The following IFT27 variants were observed in gnomAD, a reference collection of about 807,000 sequenced individuals.
The protein encoded by IFT27 is intraflagellar transport 27.
IFT27 carries 19 observed loss-of-function variants against 23.9 expected under a neutral mutation model. The ratio of observed to expected loss-of-function variants is 0.79; its 90% CI spans 0.55 to 1.16. IFT27 has a LOEUF of 1.16. IFT27 is among the 50% of genes most tolerant of loss of function. The pLI is 0.00. For missense variants in IFT27, 206 were observed against 228.7 expected (o/e 0.90, Z 0.64); for synonymous variants, 91 against 89.1 (o/e 1.02, Z -0.12).
In IFT27 at chr22:36,768,771, T is replaced by C. The variant is rs1383757703; in HGVS notation, c.35-909A>G. Reference sequence around the variant, plus strand: ...CATGGCTCTGCTGAGCCTCCTTTGATGCTGATTGTTTCCATTTGCAGCCTC... The same window carrying C: ...CATGGCTCTGCTGAGCCTCCTTTGACGCTGATTGTTTCCATTTGCAGCCTC... On this transcript the variant is annotated intron_variant, in intron 1 of 6. Transcript: ENST00000433985. Among the ~76,000 whole-genome samples, 2 of 152,224 alleles carry C rather than the reference T, an allele frequency of 1.3e-5. 1 individual carries two copies. The highest frequency in any genetic ancestry group is 1.3e-4 in the Admixed American group (2 of 15,288).
chr22:36,759,643 A>G (rs1051039626), intron 6 of IFT27: 2 of 152,272 alleles, frequency 1.3e-5, no homozygotes, highest in Non-Finnish European at 1.5e-5. Context: ...TGAATGCACT[A>G]AGAACCTGTT....
chr22:36,767,839 C>T lies in IFT27; in HGVS notation c.58G>A (p.Ala20Thr), dbSNP rs775878094. Residue 20 changes from alanine (A) to threonine (T), a missense_variant, in exon 2 of 7, where the codon GCC becomes ACC. Ala to Thr is a moderately conservative substitution (Grantham distance 58, BLOSUM62 0). Coordinates refer to ENST00000433985, the MANE Select transcript of IFT27 (RefSeq NM_001177701.3). ...LAGDPAVGKT[A>T]LAQIFRSDGA... ...TCACTGCGGAAGATCTGTGCCAGGG[C>T]GGTCTTGCCCACTGCTGGGTCTCCT... is the stretch of plus-strand genomic sequence containing the variant. 2.7e-5 allele frequency: 43 copies of T among 1,614,048 alleles called. No homozygotes were observed. Among genetic ancestry groups the T allele is most frequent in the Admixed American group, 6.7e-5 (4 of 60,006 alleles).
chr22:36,775,605 C>T, intron 1 of IFT27, 69 bp downstream of exon 1: 1 of 1,550,362 alleles, frequency 6.5e-7, no homozygotes, highest in South Asian at 1.1e-5. Flanking sequence ...TGAACAAAAG[C>T]TCTGGATGAA....
intron 3 of IFT27, 73 bp downstream of exon 3, chr22:36,767,233 G>C: frequency 8.4e-7 from 1 of 1,187,806 alleles, no homozygotes; most frequent in Non-Finnish European, 1.3e-6. Context: ...TCCTAGGGAG[G>C]ATGGTGTGAC....
At chr22:36,768,001 C>G (rs534319663) in intron 1 of IFT27, 139 bp from the exon 2 acceptor site, 106 of 804,386 alleles carry the variant, frequency 1.3e-4, no homozygotes, top group South Asian at 1.3e-3. Flanking sequence ...GGAACTTGTT[C>G]TGAGGCCGCG....
intron 1 of IFT27, among the ~76,000 whole-genome samples, chr22:36,771,014 C>T (rs548994443): frequency 6.6e-6 from 1 of 152,188 alleles, no homozygotes; most frequent in Non-Finnish European, 1.5e-5. Flanking sequence ...CAATGGCCTG[C>T]ACCCCAGCAG....
At chr22:36,770,082 T>C (rs1016600481) in intron 1 of IFT27, among the ~76,000 whole-genome samples, 4 of 151,960 alleles carry the variant, frequency 2.6e-5, no homozygotes, top group Non-Finnish European at 5.9e-5. Flanking sequence ...AAGAAATGAA[T>C]GAGAGGATTC....
At chr22:36,764,781 C>T (rs1938201978) in intron 4 of IFT27, among the ~76,000 whole-genome samples, 1 of 152,236 alleles carries the variant, frequency 6.6e-6, no homozygotes, top group Non-Finnish European at 1.5e-5. Context: ...TCAGGGGCTG[C>T]TCAGAGTCCT....
chr22:36,767,916 A>G, intron 1 of IFT27, 54 bp from the exon 2 acceptor site: 3 of 1,444,804 alleles, frequency 2.1e-6, no homozygotes, highest in Non-Finnish European at 2.9e-6. Flanking sequence ...CTGACTTGAG[A>G]ATCTCCCGCT....
chr22:36,772,721 T>A (rs914761950), intron 1 of IFT27: 99 of 984,896 alleles, frequency 1.0e-4, no homozygotes, highest in Non-Finnish European at 1.2e-4. Flanking sequence ...TCAGCGAGTA[T>A]CTGTTCAATG....
Position 36,767,248 on chromosome 22 carries a change from G to A in IFT27, c.174+58C>T, listed in dbSNP as rs750553213. Reference sequence around the variant, plus strand: ...TCCTAGGGAGGATGGTGTGACCACAGAGACCCTGGGCCCAGCTGGGGGAGC... The same window carrying A: ...TCCTAGGGAGGATGGTGTGACCACAAAGACCCTGGGCCCAGCTGGGGGAGC... On this transcript the variant is annotated intron_variant, in intron 3 of 6. Transcript: ENST00000433985. The A allele has an allele frequency of 2.1e-6, 3 of 1,412,806 alleles. No homozygotes were observed. In the African/African-American group the frequency reaches 4.2e-5, roughly 20 times the overall value. 87.5% of individuals were successfully genotyped at this position (1,412,806 alleles called of 1,614,324 possible). A position where few individuals can be genotyped will look rare whatever the true frequency, so the allele number is the denominator to read the frequency against.
chr22:36,768,870 C>T (rs753711356), intron 1 of IFT27, among the ~76,000 whole-genome samples: 2 of 152,218 alleles, frequency 1.3e-5, no homozygotes, highest in African/African-American at 4.8e-5. Flanking sequence ...TTCTGCTTCT[C>T]ATCCTCTGGA....
In IFT27 at chr22:36,775,931, C is replaced by G. The variant is rs1342511677; in HGVS notation, c.-224G>C. ...GGGGGCGGGTGGGCAGGGGAGGGCT[C>G]CAGGTGGGCCCGGCTCGAGGCCTGA... On this transcript the variant is annotated 5_prime_UTR_variant, in exon 1 of 7. Coordinates refer to ENST00000433985, the MANE Select transcript of IFT27 (RefSeq NM_001177701.3). The G allele has an allele frequency of 1.7e-6, 1 of 590,674 alleles. No individual in the cohort carries two copies. Among genetic ancestry groups the G allele is most frequent in the Non-Finnish European group, 3.0e-6 (1 of 330,854 alleles). The allele number at this position is 590,674 out of a possible 1,614,324, so 36.6% of individuals were successfully genotyped here.
intron 1 of IFT27, among the ~76,000 whole-genome samples, chr22:36,770,764 C>T (rs1205897048): frequency 6.6e-6 from 1 of 152,118 alleles, no homozygotes; most frequent in African/African-American, 2.4e-5. Flanking sequence ...CTCTGCTCGG[C>T]CCTCCCTGCT....
chr22:36,762,778 CA>C, intron 6 of IFT27, 125 bp downstream of exon 6: 1 of 499,618 alleles, frequency 2.0e-6, no homozygotes, highest in Non-Finnish European at 3.5e-6. Context: ...AGAATGTAAA[CA>C]TCAGTTCCAA....
chr22:36,770,777 C>G (rs1324881771), intron 1 of IFT27, among the ~76,000 whole-genome samples: 2 of 152,168 alleles, frequency 1.3e-5, no homozygotes, highest in Non-Finnish European at 2.9e-5. Context: ...TCCCTGCTGA[C>G]CCTGCCCCAG....
At chr22:36,759,097 A>T (rs1938009142) in intron 6 of IFT27, 1 of 152,458 alleles carries the variant, frequency 6.6e-6, no homozygotes, top group Non-Finnish European at 1.5e-5. Flanking sequence ...AGGAGGAGTG[A>T]GGGGGGACCA....
chr22:36,767,108 C>T (rs896401085), intron 3 of IFT27, 198 bp downstream of exon 3: 1 of 491,110 alleles, frequency 2.0e-6, no homozygotes, highest in Non-Finnish European at 3.7e-6. Flanking sequence ...AGGCCCATCT[C>T]CTAGTCCTCC....
Position 36,775,937 on chromosome 22 carries a change from G to A in IFT27, c.-230C>T, listed in dbSNP as rs1395457935. ...GGGTGGGCAGGGGAGGGCTCCAGGT[G>A]GGCCCGGCTCGAGGCCTGACACGGC... On this transcript the variant is annotated 5_prime_UTR_variant, in exon 1 of 7. Coordinates refer to ENST00000433985, the MANE Select transcript of IFT27 (RefSeq NM_001177701.3). 2 of 594,522 alleles carry A rather than the reference G, an allele frequency of 3.4e-6. No individual in the cohort carries two copies. The highest frequency in any genetic ancestry group is 3.7e-5 in the African/African-American group (2 of 53,544). The allele number at this position is 594,522 out of a possible 1,614,324, so 36.8% of individuals were successfully genotyped here.
Sources: gnomAD v4.1 joint callset for allele counts (sites outside exome capture counted in the v4.1 genomes callset) on GRCh38, gnomAD v4.1.1 for gene constraint, MANE v1.5 for transcripts, NCBI Gene and HGNC (gene_info 2026-07-23, HGNC 2026-07-21) for gene names.